Variants in UGT1A10 observed in about 807,000 individuals in gnomAD.
UGT1A10 encodes UDP glucuronosyltransferase family 1 member A10, also known as UDP-glucuronosyltransferase 1A10.
Under a neutral mutation model 45.8 loss-of-function variants are expected in UGT1A10, and 49 were observed. The ratio of observed to expected loss-of-function variants is 1.07; its 90% CI spans 0.85 to 1.36. The LOEUF is 1.36. Among genes scored for constraint, UGT1A10 ranks in the 40% most tolerant of loss-of-function variants. The pLI is 0.00. For missense variants in UGT1A10, 745 were observed against 668.6 expected (o/e 1.11, Z -1.26); for synonymous variants, 284 against 249.7 (o/e 1.14, Z -1.29).
At chr2:233,767,511 A>G (rs1020159718) in intron 2 of UGT1A10, among the ~76,000 whole-genome samples, 21 of 152,248 alleles carry the variant, frequency 1.4e-4, no homozygotes, top group African/African-American at 3.9e-4. Context: ...GTTGGTTAGA[A>G]CACTGAATTT....
intron 1 of UGT1A10, chr2:233,682,628 G>A: frequency 1.9e-6 from 3 of 1,613,870 alleles, no homozygotes; most frequent in South Asian, 2.2e-5. Flanking sequence ...CTTAGAAATA[G>A]CCTCTGAAAT....
At chr2:233,690,438 C>G in intron 1 of UGT1A10, 1 of 1,277,180 alleles carries the variant, frequency 7.8e-7, no homozygotes, top group Admixed American at 2.3e-5. Context: ...CTTTGGGTCT[C>G]TCCTCTATTC....
chr2:233,762,986 G>A (rs1271717565), intron 1 of UGT1A10, among the ~76,000 whole-genome samples: 1 of 152,018 alleles, frequency 6.6e-6, no homozygotes, highest in Non-Finnish European at 1.5e-5. Context: ...CTATTTTAGT[G>A]GAAATTGATT....
chr2:233,691,891 G>C (rs558208124), intron 1 of UGT1A10: 1 of 154,130 alleles, frequency 6.5e-6, no homozygotes, highest in South Asian at 2.1e-4. Context: ...TTGTTTCCTG[G>C]ACACAGCTCC....
chr2:233,764,618 A>G (rs1306085339), intron 1 of UGT1A10, among the ~76,000 whole-genome samples: 3 of 152,108 alleles, frequency 2.0e-5, no homozygotes, highest in Non-Finnish European at 2.9e-5. Flanking sequence ...AGTGGGTTTC[A>G]TGAAGAGCAA....
chr2:233,736,695 G>A (rs1463496904), intron 1 of UGT1A10, among the ~76,000 whole-genome samples: 1 of 152,174 alleles, frequency 6.6e-6, no homozygotes, highest in Admixed American at 6.5e-5. Context: ...CTACAGATGG[G>A]GTTTTGGTGT....
At chr2:233,743,140 A>C (rs1692212499) in intron 1 of UGT1A10, 1 of 356,854 alleles carries the variant, frequency 2.8e-6, no homozygotes, top group African/African-American at 2.2e-5. Flanking sequence ...ATCCTAAAAA[A>C]AGTCCGCTAT....
chr2:233,646,509 C>G (rs1292871728), intron 1 of UGT1A10, among the ~76,000 whole-genome samples: 1 of 152,152 alleles, frequency 6.6e-6, no homozygotes, highest in Non-Finnish European at 1.5e-5. Context: ...CCCAAATCAC[C>G]TCTTGAATGC....
intron 1 of UGT1A10, among the ~76,000 whole-genome samples, chr2:233,765,626 G>A (rs892364448): frequency 2.0e-5 from 3 of 151,774 alleles, no homozygotes; most frequent in Admixed American, 2.0e-4. Context: ...GGTGAGGGGA[G>A]GAACTTAGAG....
chr2:233,735,219 T>G (rs1349774730), intron 1 of UGT1A10, among the ~76,000 whole-genome samples: 1 of 152,194 alleles, frequency 6.6e-6, no homozygotes, highest in Admixed American at 6.5e-5. Flanking sequence ...GCATATATAT[T>G]TAGGATAGTT....
Position 233,768,298 on chromosome 2 carries a change from T to A in UGT1A10, c.1154T>A (p.Met385Lys). The A allele has an allele frequency of 6.2e-7, 1 of 1,614,192 alleles. No individual in the cohort carries two copies. Reference protein sequence around the residue: ...VYESICNGVPMVMMPLFGDQM... With the variant: ...VYESICNGVPKVMMPLFGDQM... ...GAAAGCATATGCAATGGCGTTCCCA[T>A]GGTGATGATGCCCTTGTTTGGTGAT... Residue 385 changes from methionine (M) to lysine (K), a missense_variant, in exon 4 of 5, where the codon ATG (methionine) becomes AAG (lysine). Met to Lys is a moderately conservative substitution (Grantham distance 95, BLOSUM62 -1). Transcript: ENST00000344644.
intron 1 of UGT1A10, among the ~76,000 whole-genome samples, chr2:233,756,708 C>T (rs1399163610): frequency 6.6e-6 from 1 of 151,990 alleles, no homozygotes; most frequent in Admixed American, 6.6e-5. Flanking sequence ...TTTGGGGGGA[C>T]TTTTTTTGAG....
chr2:233,639,397 A>C (rs1300120300), intron 1 of UGT1A10, among the ~76,000 whole-genome samples: 2 of 152,186 alleles, frequency 1.3e-5, no homozygotes, highest in African/African-American at 4.8e-5. Context: ...GATATGGCCC[A>C]ACCACAAAAG....
chr2:233,724,527 T>C (rs2077276576), intron 1 of UGT1A10, among the ~76,000 whole-genome samples: 1 of 105,076 alleles, frequency 9.5e-6, no homozygotes, highest in Non-Finnish European at 1.9e-5. Flanking sequence ...AGATGGGGTC[T>C]CGCCGGGCAG....
intron 1 of UGT1A10, chr2:233,719,515 C>G (rs764297894): frequency 6.2e-7 from 1 of 1,613,842 alleles, no homozygotes; most frequent in Non-Finnish European, 8.5e-7. Context: ...GCCCCTTATG[C>G]AAGTCTTGCC....
chr2:233,732,557 T>C (rs1353780891), intron 1 of UGT1A10, among the ~76,000 whole-genome samples: 4 of 152,228 alleles, frequency 2.6e-5, no homozygotes, highest in Non-Finnish European at 5.9e-5. Flanking sequence ...ATTTATTAAA[T>C]AAGGAATCCT....
chr2:233,761,671 C>T (rs1489520357), intron 1 of UGT1A10, among the ~76,000 whole-genome samples: 1 of 152,240 alleles, frequency 6.6e-6, no homozygotes, highest in Non-Finnish European at 1.5e-5. Flanking sequence ...ACCAGACAGT[C>T]AGGTTCTGAC....
At chr2:233,691,415 C>T in intron 1 of UGT1A10, 1 of 985,558 alleles carries the variant, frequency 1.0e-6, no homozygotes, top group Non-Finnish European at 1.2e-6. Context: ...TGGAGTGGCC[C>T]CTCTAATCAT....
intron 1 of UGT1A10, among the ~76,000 whole-genome samples, chr2:233,748,634 A>G (rs1335024517): frequency 6.6e-6 from 1 of 151,774 alleles, no homozygotes; most frequent in East Asian, 1.9e-4. Context: ...GTCTGTGATT[A>G]TAGAATTACA....
Sources: allele counts gnomAD v4.1 joint callset (sites outside exome capture counted in the v4.1 genomes callset), GRCh38; gene constraint gnomAD v4.1.1; transcripts MANE v1.5; gene names NCBI Gene and HGNC (gene_info 2026-07-23, HGNC 2026-07-21).